DRC3: variants seen among roughly 807,000 people sequenced by gnomAD.
DRC3 encodes dynein regulatory complex subunit 3.
Under a neutral mutation model 57.6 loss-of-function variants are expected in DRC3, and 45 were observed. That is an observed-to-expected ratio of 0.78 (90% CI 0.62 to 1.00). The LOEUF is 1.00. DRC3 is among the 50% of genes least tolerant of loss of function. The pLI is 0.00. For synonymous variants in DRC3, 257 were observed against 272.3 expected, an observed-to-expected ratio of 0.94 and a Z score of 0.55; for missense variants, 655 against 675.2, an observed-to-expected ratio of 0.97 and a Z score of 0.33.
chr17:18,003,804 G>C (rs1192703199), intron 9 of DRC3, among the ~76,000 whole-genome samples: 1 of 118,912 alleles, frequency 8.4e-6, no homozygotes, highest in African/African-American at 3.5e-5. Flanking sequence ...CACCATGCCT[G>C]GCTAATTTTT....
intron 13 of DRC3, 107 bp from the exon 14 acceptor site, chr17:18,016,451 T>C: frequency 1.1e-6 from 1 of 869,628 alleles, no homozygotes; most frequent in South Asian, 1.7e-5. Flanking sequence ...GCAAATGAGG[T>C]TTGCAGATCT....
In DRC3 at chr17:17,995,099, A is replaced by G; in HGVS notation, c.812A>G (p.Glu271Gly). The G allele has an allele frequency of 3.7e-6, 6 of 1,612,760 alleles. No individual in the cohort carries two copies. The highest frequency in any genetic ancestry group is 5.1e-6 in the Non-Finnish European group (6 of 1,178,820). Reference protein sequence around the residue: ...NNLSYLPGVGELLETYKDKFV... With the variant: ...NNLSYLPGVGGLLETYKDKFV... ...CTGTCCTACCTGCCTGGTGTCGGTG[A>G]GCTCCTTGAGACATATCCTTCTGAG... Residue 271 changes from glutamate (E) to glycine (G), a missense_variant, in exon 8 of 14, where the codon GAG becomes GGG. Glu to Gly is a moderately conservative substitution (Grantham distance 98, BLOSUM62 -2). Transcript: ENST00000399187.
rs548876298 is a variant in DRC3, at chr17:17,980,452, G to A, written c.160+2694G>A. On this transcript the variant is annotated intron_variant, in intron 3 of 13. Coordinates refer to ENST00000399187, the MANE Select transcript of DRC3 (RefSeq NM_031294.4). ...TGGAACTACAGGCATATGCGGCCAC[G>A]CCTGGCTAATTTTTTTTATTTTAGT... Among the ~76,000 whole-genome samples the A allele has an allele frequency of 6.6e-5, 10 of 151,650 alleles. No homozygotes were observed. In the South Asian group the frequency reaches 1.2e-3, roughly 19 times the overall value.
intron 3 of DRC3, among the ~76,000 whole-genome samples, chr17:17,979,587 A>C (rs767273359): frequency 2.1e-5 from 3 of 145,696 alleles, no homozygotes; most frequent in Non-Finnish European, 4.4e-5. Flanking sequence ...TGCCAAGTAC[A>C]TCCTGATTTG....
chr17:18,007,532 G>A, intron 12 of DRC3: 1 of 1,532,988 alleles, frequency 6.5e-7, no homozygotes, highest in Non-Finnish European at 8.8e-7. Flanking sequence ...AGTACTGTGG[G>A]GGTGTTGGAA....
intron 5 of DRC3, among the ~76,000 whole-genome samples, chr17:17,992,200 G>A (rs575057264): frequency 1.5e-4 from 23 of 152,238 alleles, no homozygotes; most frequent in African/African-American, 3.4e-4. Flanking sequence ...ACTTGAACCC[G>A]GGAGGCAGAG....
At chr17:18,013,377 C>T (rs927493979) in intron 12 of DRC3, among the ~76,000 whole-genome samples, 3 of 152,100 alleles carry the variant, frequency 2.0e-5, no homozygotes, top group Non-Finnish European at 2.9e-5. Context: ...TTCGCAATAA[C>T]AAGATACAGA....
At position 17,999,372 on chromosome 17, in the gene DRC3, C is replaced by A. The variant is rs566695097; in HGVS notation, c.999+1738C>A. On this transcript the variant is annotated intron_variant, in intron 9 of 13. Transcript: ENST00000399187. ...TGCTCACATTCAGGCCCAGCAGCAC[C>A]CTGTGGCCTGGCACAGGGATTTTCC... Among the ~76,000 whole-genome samples, 4 of 152,326 alleles carry A rather than the reference C, an allele frequency of 2.6e-5. No individual in the cohort carries two copies. The South Asian group carries it at 6.2e-4, about 24-fold the overall frequency.
chr17:17,995,255 A>G, intron 8 of DRC3, 144 bp downstream of exon 8: 1 of 620,630 alleles, frequency 1.6e-6, no homozygotes, highest in Non-Finnish European at 2.9e-6. Flanking sequence ...AATGTACCCA[A>G]CAGGCAGTTC....
intron 12 of DRC3, chr17:18,015,797 G>A: frequency 2.7e-6 from 1 of 371,656 alleles, no homozygotes; most frequent in Non-Finnish European, 5.0e-6. Context: ...CCTTCACCCT[G>A]GAGGAAACAT....
intron 5 of DRC3, among the ~76,000 whole-genome samples, chr17:17,991,369 C>A (rs1430812222): frequency 7.2e-6 from 1 of 138,004 alleles, no homozygotes; most frequent in Non-Finnish European, 1.5e-5. Flanking sequence ...CGGCTCACTG[C>A]AACCTCCGCC....
chr17:18,003,809 A>ATTT (rs200063548), intron 9 of DRC3, among the ~76,000 whole-genome samples: 7 of 139,018 alleles, frequency 5.0e-5, no homozygotes, highest in Non-Finnish European at 9.3e-5. Flanking sequence ...TGCCTGGCTA[A>ATTT]TTTTTTTTTT....
intron 6 of DRC3, chr17:17,993,943 T>TATCA: frequency 1.1e-5 from 3 of 271,320 alleles, no homozygotes; most frequent in Non-Finnish European, 2.2e-5. Context: ...CTGAGGGCTG[T>TATCA]TGGGAGTGAG....
At chr17:17,974,803 T>A (rs527506738) in intron 2 of DRC3, among the ~76,000 whole-genome samples, 1 of 152,346 alleles carries the variant, frequency 6.6e-6, no homozygotes, top group Admixed American at 6.5e-5. Flanking sequence ...TGGTTTGTAG[T>A]TAAATATTTG....
rs2043291068 is a variant in DRC3 at position 17,992,787 on chromosome 17, A to G, written c.467A>G (p.Lys156Arg). The G allele has an allele frequency of 1.2e-6, 2 of 1,613,592 alleles. No individual in the cohort carries two copies. Among genetic ancestry groups the G allele is most frequent in the African/African-American group, 1.3e-5 (1 of 74,896 alleles). Residue 156 changes from lysine (K) to arginine (R), a missense_variant, in exon 6 of 14, where the codon AAG becomes AGG. Physicochemically the swap from Lys to Arg is conservative, Grantham distance 26 (BLOSUM62 2). Coordinates refer to ENST00000399187, the MANE Select transcript of DRC3 (RefSeq NM_031294.4). Reference protein sequence around the residue: ...MMNIIYLRRFKCLRTLSLSRN... With the variant: ...MMNIIYLRRFRCLRTLSLSRN... ...CAGATCATCTACCTCCGGCGGTTCA[A>G]GTGCCTGCGGACGCTCAGCCTCTCT...
chr17:17,984,703 T>A (rs2145256145), intron 4 of DRC3, among the ~76,000 whole-genome samples: 1 of 152,252 alleles, frequency 6.6e-6, no homozygotes, highest in South Asian at 2.1e-4. Flanking sequence ...TGCCCAAAGC[T>A]GCACGACCAA....
chr17:18,004,319 T>TA (rs1439538457), intron 9 of DRC3, 44 bp from the exon 10 acceptor site: 3 of 1,565,940 alleles, frequency 1.9e-6, no homozygotes, highest in Non-Finnish European at 2.6e-6. Flanking sequence ...ATTATCTAAT[T>TA]ACACTTAGTT....
intron 5 of DRC3, 113 bp downstream of exon 5, chr17:17,988,211 A>C: frequency 5.2e-6 from 6 of 1,157,538 alleles, no homozygotes; most frequent in Non-Finnish European, 7.1e-6. Flanking sequence ...AGATCTTCTC[A>C]TTTTCCTGGA....
At chr17:17,983,674 G>C (rs1044247962) in intron 3 of DRC3, among the ~76,000 whole-genome samples, 154 bp from the exon 4 acceptor site, 3 of 152,184 alleles carry the variant, frequency 2.0e-5, no homozygotes, top group East Asian at 3.8e-4. Flanking sequence ...AATGTTCCTC[G>C]ATGCTCAGCC....
Sources: gnomAD v4.1 joint callset for allele counts (sites outside exome capture counted in the v4.1 genomes callset) on GRCh38, gnomAD v4.1.1 for gene constraint, MANE v1.5 for transcripts, NCBI Gene and HGNC (gene_info 2026-07-23, HGNC 2026-07-21) for gene names.